FAM222B: variants seen among roughly 807,000 people sequenced by gnomAD.
The protein encoded by FAM222B is family with sequence similarity 222 member B.
Under a neutral mutation model 38.0 loss-of-function variants are expected in FAM222B, and 12 were observed. That is an observed-to-expected ratio of 0.32 (90% CI 0.20 to 0.51). FAM222B has a LOEUF of 0.51. FAM222B is among the 20% of genes least tolerant of loss of function. The probability of loss-of-function intolerance (pLI) is 0.97; values close to 1 mark genes in which losing one functional copy is unlikely to be tolerated. For missense variants in FAM222B, 716 were observed against 754.2 expected, an observed-to-expected ratio of 0.95 and a Z score of 0.59; for synonymous variants, 329 against 317.2, an observed-to-expected ratio of 1.04 and a Z score of -0.40.
rs146306763 is a variant in FAM222B, at chr17:28,835,277, C to T, written c.-41+7405G>A. 4.1e-3 allele frequency among the ~76,000 whole-genome samples: 630 copies of T among 152,102 alleles called. 7 individuals carry two copies. The highest frequency in any genetic ancestry group is 0.013 in the African/African-American group (558 of 41,504). On this transcript the variant is annotated intron_variant, in intron 1 of 2. Coordinates refer to ENST00000581407, the MANE Select transcript of FAM222B (RefSeq NM_001077498.3). ...GTATTGAACTCCTGACCTCATGATC[C>T]GCCCACCTCGGCCTCCCAAAGTGCT...
intron 1 of FAM222B, among the ~76,000 whole-genome samples, chr17:28,793,070 G>A (rs546512410): frequency 6.6e-5 from 10 of 151,896 alleles, no homozygotes; most frequent in African/African-American, 2.4e-4. Flanking sequence ...CCAACAGTTG[G>A]GACTACAAGC....
intron 1 of FAM222B, among the ~76,000 whole-genome samples, chr17:28,853,411 A>G (rs1385718490): frequency 6.6e-6 from 1 of 151,924 alleles, no homozygotes; most frequent in Non-Finnish European, 1.5e-5. Flanking sequence ...AATTGAGGAT[A>G]GCCAGAATAT....
At chr17:28,815,938 G>A (rs1289949394) in intron 1 of FAM222B, among the ~76,000 whole-genome samples, 4 of 150,114 alleles carry the variant, frequency 2.7e-5, no homozygotes, top group Non-Finnish European at 4.4e-5. Flanking sequence ...CTGCACTCCA[G>A]CCTGGGCAAC....
rs770300215 is a variant in FAM222B at position 28,759,637 on chromosome 17, G to A, written c.322C>T (p.Pro108Ser). 1.2e-6 allele frequency: 2 copies of A among 1,612,750 alleles called. No individual in the cohort carries two copies. Among genetic ancestry groups the A allele is most frequent in the Non-Finnish European group, 8.5e-7 (1 of 1,179,362 alleles). The change falls in exon 3 of 3, where the codon CCA becomes TCA. Residue 108 changes from proline to serine, a missense_variant. Coordinates refer to ENST00000581407, the MANE Select transcript of FAM222B (RefSeq NM_001077498.3). This position sits in a 1 kb window ranked among gnomAD's most constrained non-coding sequence, Gnocchi z 4.8. ...KAGLLAIVKV[P>S]AKSILKDFDG... ...AAGTCCTTGAGTATGCTTTTGGCTG[G>A]CACTTTGACAATGGCAAGCAGGCCT... is the stretch of plus-strand genomic sequence containing the variant.
Position 28,758,178 on chromosome 17 carries a change from G to A in FAM222B, c.*92C>T. The A allele has an allele frequency of 9.2e-7, 1 of 1,081,774 alleles. No homozygotes were observed. The highest frequency in any genetic ancestry group is 1.3e-6 in the Non-Finnish European group (1 of 749,932). 67.0% of individuals were successfully genotyped at this position (1,081,774 alleles called of 1,614,324 possible). ...GACATCTAAGAATGATCACACTGGA[G>A]CAGTGAAACTTTGAAACTATCCAGT... is the stretch of plus-strand genomic sequence containing the variant. On this transcript the variant is annotated 3_prime_UTR_variant, in exon 3 of 3. Transcript: ENST00000581407.
intron 1 of FAM222B, among the ~76,000 whole-genome samples, chr17:28,800,034 CTTTT>C (rs35953415): frequency 1.4e-4 from 21 of 144,838 alleles, no homozygotes; most frequent in African/African-American, 5.1e-4. Flanking sequence ...ATGATACTTT[CTTTT>C]TTTTTTTTTT....
chr17:28,842,440 T>G (rs986946393), intron 1 of FAM222B, among the ~76,000 whole-genome samples: 2 of 152,090 alleles, frequency 1.3e-5, no homozygotes, highest in Non-Finnish European at 2.9e-5. Flanking sequence ...GAGGAAGGGA[T>G]GATACAAATG....
intron 1 of FAM222B, among the ~76,000 whole-genome samples, chr17:28,837,457 T>G (rs1221849361): frequency 6.6e-6 from 1 of 151,606 alleles, no homozygotes; most frequent in East Asian, 1.9e-4. Context: ...ATAAATAAAT[T>G]TTTAAAAAAA....
At chr17:28,779,136 A>C (rs2036045739) in intron 1 of FAM222B, among the ~76,000 whole-genome samples, 1 of 152,120 alleles carries the variant, frequency 6.6e-6, no homozygotes, top group African/African-American at 2.4e-5. Context: ...AACTCTTCCC[A>C]AAAATCAAAG....
At chr17:28,778,318 C>G (rs1567817996) in intron 1 of FAM222B, among the ~76,000 whole-genome samples, 1 of 151,920 alleles carries the variant, frequency 6.6e-6, no homozygotes, top group Non-Finnish European at 1.5e-5. Flanking sequence ...CACTGTTCAG[C>G]TCCCACTTAT....
At chr17:28,835,178 G>C (rs2038801425) in intron 1 of FAM222B, among the ~76,000 whole-genome samples, 1 of 151,944 alleles carries the variant, frequency 6.6e-6, no homozygotes, top group African/African-American at 2.4e-5. Context: ...CTGAGTAGCT[G>C]GGATTACAGG....
intron 1 of FAM222B, among the ~76,000 whole-genome samples, chr17:28,811,202 A>G (rs1401435418): frequency 6.6e-6 from 1 of 152,184 alleles, no homozygotes; most frequent in Non-Finnish European, 1.5e-5. Context: ...GCACTTTGGG[A>G]GGCCGAGGCG....
In FAM222B at chr17:28,766,870, A is replaced by G. The variant is rs886916288; in HGVS notation, c.-40-163T>C. ...TATACTTACATCTTTATCTGTGACG[A>G]CAATTTGCTGTCAAATATCACTATG... is the stretch of plus-strand genomic sequence containing the variant. On this transcript the variant is annotated intron_variant, in intron 1 of 2. Transcript: ENST00000581407. The G allele has an allele frequency of 1.7e-4, 95 of 545,886 alleles. No individual in the cohort carries two copies. In the East Asian group the frequency reaches 2.8e-3, roughly 16 times the overall value. The allele number at this position is 545,886 out of a possible 1,614,324, so 33.8% of individuals were successfully genotyped here. A position where few individuals can be genotyped will look rare whatever the true frequency, so the allele number is the denominator to read the frequency against.
chr17:28,796,729 AAAAG>A (rs968456476), intron 1 of FAM222B, among the ~76,000 whole-genome samples: 15 of 152,256 alleles, frequency 9.9e-5, no homozygotes, highest in South Asian at 2.1e-4. Context: ...ATTAAAAAAA[AAAAG>A]AAAGAAAGAA....
intron 1 of FAM222B, among the ~76,000 whole-genome samples, chr17:28,795,942 A>T (rs35398767): frequency 0.19 from 28,722 of 152,134 alleles, 2,845 homozygotes; most frequent in South Asian, 0.3. Context: ...AAAGCCATTA[A>T]GACTGCTCCT....
chr17:28,769,719 G>A (rs1428201898), intron 1 of FAM222B, among the ~76,000 whole-genome samples: 2 of 152,142 alleles, frequency 1.3e-5, no homozygotes, highest in Non-Finnish European at 2.9e-5. Flanking sequence ...CTGGTTCTCT[G>A]ACCTCACCTT....
intron 1 of FAM222B, chr17:28,812,345 G>C (rs1270196559): frequency 1.3e-5 from 2 of 152,316 alleles, no homozygotes; most frequent in Non-Finnish European, 1.5e-5. Context: ...TAGCGGTCTA[G>C]GCAGGGGGAG....
intron 1 of FAM222B, among the ~76,000 whole-genome samples, chr17:28,814,168 A>G (rs1444431913): frequency 6.6e-6 from 1 of 150,562 alleles, no homozygotes; most frequent in Non-Finnish European, 1.5e-5. Context: ...TGAGAGTAAG[A>G]CTCTAACTCC....
chr17:28,793,461 T>C (rs2036794389), intron 1 of FAM222B, among the ~76,000 whole-genome samples: 1 of 152,194 alleles, frequency 6.6e-6, no homozygotes, highest in Non-Finnish European at 1.5e-5. Flanking sequence ...AGCTAGCTTC[T>C]CCACTTTCAC....
Sources: allele counts gnomAD v4.1 joint callset (sites outside exome capture counted in the v4.1 genomes callset), GRCh38; gene constraint gnomAD v4.1.1; non-coding constraint Gnocchi (gnomAD v3.1); transcripts MANE v1.5; gene names NCBI Gene and HGNC (gene_info 2026-07-23, HGNC 2026-07-21).